The following REPS1 variants were observed in gnomAD, a reference collection of about 807,000 sequenced individuals.
REPS1 encodes the protein ralBP1-associated Eps domain-containing protein 1.
A neutral mutation model predicts 100.9 loss-of-function variants in REPS1; 39 were observed. That is an observed-to-expected ratio of 0.39 (90% CI 0.30 to 0.50). The LOEUF (loss-of-function observed/expected upper bound fraction) is 0.50, where lower values mean the gene tolerates loss of function less well. REPS1 is among the 20% of genes least tolerant of loss of function. The pLI, the probability that REPS1 is intolerant of heterozygous loss-of-function variation, is 0.86. For synonymous variants in REPS1, 324 were observed against 340.3 expected (o/e 0.95, Z 0.53); for missense variants, 821 against 968.5 (o/e 0.85, Z 2.02).
Position 138,944,531 on chromosome 6 carries a change from A to G in REPS1, c.720T>C (p.Ser240=). The part of the protein sequence containing the change: ...WVSFADTPPT[S]TLLTMHPASV... ...AAGCAGGATGCATGGTTAAAAGAGT[A>G]CTGGTTGGTGGAGTATCTGCAAAAC... Residue 240 remains serine (S), a synonymous_variant, in exon 5 of 20, where the codon AGT becomes AGC. Coordinates refer to ENST00000450536, the MANE Select transcript of REPS1 (RefSeq NM_001286611.2). 6.2e-7 allele frequency: 1 copy of G among 1,614,140 alleles called. No individual in the cohort carries two copies. The highest frequency in any genetic ancestry group is 8.5e-7 in the Non-Finnish European group (1 of 1,179,964).
chr6:138,968,444 T>C (rs913972704), intron 1 of REPS1, among the ~76,000 whole-genome samples: 1 of 152,214 alleles, frequency 6.6e-6, no homozygotes, highest in African/African-American at 2.4e-5. Context: ...CCCAAGGATA[T>C]TGACTAGAAA....
intron 12 of REPS1, among the ~76,000 whole-genome samples, chr6:138,918,446 T>C (rs951481597): frequency 6.6e-6 from 1 of 152,210 alleles, no homozygotes; most frequent in African/African-American, 2.4e-5. Context: ...ATGACTGTAT[T>C]ACAATTTCAC....
chr6:138,918,812 C>G (rs768818396), intron 12 of REPS1, among the ~76,000 whole-genome samples: 6 of 151,980 alleles, frequency 3.9e-5, no homozygotes, highest in Non-Finnish European at 7.4e-5. Flanking sequence ...TCTCATGAAG[C>G]ACAAGAGAAT....
intron 19 of REPS1, among the ~76,000 whole-genome samples, 176 bp from the exon 20 acceptor site, chr6:138,905,308 G>A (rs1779560315): frequency 6.6e-6 from 1 of 151,932 alleles, no homozygotes; most frequent in African/African-American, 2.4e-5. Flanking sequence ...TTTTTGAGAC[G>A]GAGTCTCGCT....
rs1782561939 is a variant in REPS1, at chr6:138,945,598, T to C, written c.377A>G (p.Tyr126Cys). 2.5e-6 allele frequency: 4 copies of C among 1,613,638 alleles called. No individual in the cohort carries two copies. The highest frequency in any genetic ancestry group is 2.7e-5 in the African/African-American group (2 of 74,864). ...AGGTGGTGGGGGAATTACACCAGAA[T>C]ACGACCCTTGATTTTCAGAATCTGA... ...YSSDSENQGS[Y>C]SGVIPPPPGR... Residue 126 changes from tyrosine to cysteine, a missense_variant, in exon 3 of 20, where the codon TAT becomes TGT. Tyr to Cys is a radical substitution (Grantham distance 194). Around this residue, in one of 3 missense-constraint regions of REPS1, gnomAD observed 757 missense variants for 866.4 expected, o/e 0.87. Transcript: ENST00000450536.
At chr6:138,982,581 C>A (rs1289747633) in intron 1 of REPS1, among the ~76,000 whole-genome samples, 1 of 152,140 alleles carries the variant, frequency 6.6e-6, no homozygotes, top group Admixed American at 6.5e-5. Context: ...TTGGGAAAAG[C>A]TGACTTTTAA....
intron 1 of REPS1, among the ~76,000 whole-genome samples, chr6:138,961,015 T>C (rs765781326): frequency 3.3e-5 from 5 of 152,276 alleles, no homozygotes; most frequent in South Asian, 2.1e-4. Context: ...CCCACTTCCT[T>C]CATTTTCAAG....
At chr6:138,934,890 A>G (rs1781708393) in intron 8 of REPS1, among the ~76,000 whole-genome samples, 1 of 152,230 alleles carries the variant, frequency 6.6e-6, no homozygotes, top group South Asian at 2.1e-4. Flanking sequence ...AAATACGGAA[A>G]ATGAAAAACA....
intron 8 of REPS1, among the ~76,000 whole-genome samples, chr6:138,936,087 G>A (rs533943098): frequency 9.2e-5 from 14 of 152,006 alleles, no homozygotes; most frequent in South Asian, 6.2e-4. Flanking sequence ...ATTCACTTTC[G>A]ACTTTCATAG....
Position 138,921,567 on chromosome 6 carries a change from C to CTTTTT in REPS1, c.1339-448_1339-444dup, listed in dbSNP as rs755518526. On this transcript the variant is annotated intron_variant, in intron 10 of 19. Coordinates refer to ENST00000450536, the MANE Select transcript of REPS1 (RefSeq NM_001286611.2). ...TCGGGGATGCTTAGGTAGGAGGATC[C>CTTTTT]TTTTTTTTTTTTTTTTTTTTTTTTT... 1.9e-4 allele frequency among the ~76,000 whole-genome samples: 11 copies of CTTTTT among 57,646 alleles called. 1 individual carries two copies. Among genetic ancestry groups the CTTTTT allele is most frequent in the Admixed American group, 5.5e-4 (2 of 3,652 alleles). The allele number at this position is 57,646 out of a possible 152,430, so 37.8% of individuals were successfully genotyped here.
chr6:138,964,496 C>T (rs1379422759), intron 1 of REPS1, among the ~76,000 whole-genome samples: 1 of 152,008 alleles, frequency 6.6e-6, no homozygotes, highest in African/African-American at 2.4e-5. Flanking sequence ...ATATTAGGTA[C>T]TTTAACACAG....
chr6:138,956,947 T>G lies in REPS1; in HGVS notation c.154-9034A>C, dbSNP rs1783429012. The stretch of plus-strand genomic sequence containing the variant: ...AGAACCATCAGAGAACAAGATATCT[T>G]GAAATTTACAAAGCTCAATAGAAAC... On this transcript the variant is annotated intron_variant, in intron 1 of 19. Transcript: ENST00000450536. Among the ~76,000 whole-genome samples the G allele has an allele frequency of 2.0e-5, 3 of 151,950 alleles. No individual in the cohort carries two copies. In the South Asian group the frequency reaches 6.2e-4, roughly 31 times the overall value.
At chr6:138,933,150 T>G (rs1781587920) in intron 8 of REPS1, among the ~76,000 whole-genome samples, 1 of 152,238 alleles carries the variant, frequency 6.6e-6, no homozygotes, top group Non-Finnish European at 1.5e-5. Flanking sequence ...ATACCATTTG[T>G]GCTTTGATGT....
At chr6:138,986,088 G>T (rs1308900584) in intron 1 of REPS1, among the ~76,000 whole-genome samples, 2 of 152,140 alleles carry the variant, frequency 1.3e-5, no homozygotes, top group Non-Finnish European at 2.9e-5. Context: ...AGCACCCTTC[G>T]TTAGCAGACC....
At chr6:138,921,976 AGTGTGTGT>A (rs71895504) in intron 10 of REPS1, among the ~76,000 whole-genome samples, 13,239 of 148,566 alleles carry the variant, frequency 0.089, 1,209 homozygotes, top group African/African-American at 0.23. Context: ...CATCTCAAAA[AGTGTGTGT>A]GTGTGTGTGT....
chr6:138,956,836 A>G (rs529201171), intron 1 of REPS1, among the ~76,000 whole-genome samples: 15 of 152,196 alleles, frequency 9.9e-5, no homozygotes, highest in Non-Finnish European at 1.9e-4. Context: ...ACAGAGGGAA[A>G]GAATCTTAAA....
chr6:138,966,837 T>C (rs764989693), intron 1 of REPS1, among the ~76,000 whole-genome samples: 1 of 152,194 alleles, frequency 6.6e-6, no homozygotes, highest in Non-Finnish European at 1.5e-5. Context: ...AATACAAATA[T>C]CATTTCTCTG....
chr6:138,983,526 G>T lies in REPS1; in HGVS notation c.153+4004C>A, dbSNP rs531082644. Among the ~76,000 whole-genome samples, 32 of 152,214 alleles carry T rather than the reference G, an allele frequency of 2.1e-4. No homozygotes were observed. In the East Asian group the frequency reaches 6.2e-3, roughly 29 times the overall value. ...CACAAGGTTGTTGCAAGAATCAAAT[G>T]AGTTCTTCCATGAAAATGATTTGCC... On this transcript the variant is annotated intron_variant, in intron 1 of 19. Transcript: ENST00000450536.
intron 1 of REPS1, among the ~76,000 whole-genome samples, chr6:138,970,629 C>G (rs1196112316): frequency 6.6e-6 from 1 of 151,758 alleles, no homozygotes; most frequent in East Asian, 1.9e-4. Context: ...TAAAAATACC[C>G]AAAAAAAGGC....
Sources: allele counts gnomAD v4.1 joint callset (sites outside exome capture counted in the v4.1 genomes callset), GRCh38; gene constraint gnomAD v4.1.1; regional missense constraint gnomAD v4.1.1; transcripts MANE v1.5; gene names NCBI Gene and HGNC (gene_info 2026-07-23, HGNC 2026-07-21).